Variants in CSMD3 observed in about 807,000 individuals in gnomAD.
The protein encoded by CSMD3 is CUB and Sushi multiple domains 3, also known as CUB and sushi domain-containing protein 3.
CSMD3 carries 177 observed loss-of-function variants against 435.2 expected under a neutral mutation model. The ratio of observed to expected loss-of-function variants is 0.41; its 90% CI spans 0.36 to 0.46. The LOEUF is 0.46. Ranked by LOEUF, CSMD3 falls within the 20% of genes least tolerant of loss-of-function variation. The probability of loss-of-function intolerance (pLI) is 0.34; values close to 1 mark genes in which losing one functional copy is unlikely to be tolerated. For synonymous variants in CSMD3, 1,656 were observed against 1,520.5 expected, an observed-to-expected ratio of 1.09 and a Z score of -2.07; for missense variants, 4,265 against 4,504.6, an observed-to-expected ratio of 0.95 and a Z score of 1.52.
intron 32 of CSMD3, among the ~76,000 whole-genome samples, chr8:112,453,851 G>A (rs1816547943): frequency 2.0e-5 from 3 of 152,158 alleles, no homozygotes; most frequent in South Asian, 2.1e-4. Context: ...CACATTACCC[G>A]ACTTCAAACT....
chr8:113,138,891 C>T (rs2091482166), intron 4 of CSMD3, among the ~76,000 whole-genome samples: 1 of 150,578 alleles, frequency 6.6e-6, no homozygotes, highest in Middle Eastern at 3.4e-3. Flanking sequence ...ATATATGTCA[C>T]ATAATACTAA....
At chr8:112,682,714 G>C in intron 15 of CSMD3, 78 bp from the exon 16 acceptor site, 1 of 892,852 alleles carries the variant, frequency 1.1e-6, no homozygotes, top group Non-Finnish European at 1.8e-6. Context: ...TTTTGGAAAA[G>C]AGAGAGAGAG....
intron 5 of CSMD3, among the ~76,000 whole-genome samples, chr8:113,024,375 A>G (rs1235582280): frequency 1.3e-5 from 2 of 151,554 alleles, no homozygotes; most frequent in Non-Finnish European, 2.9e-5. Flanking sequence ...GGACACTTAG[A>G]GTCGATTACT....
At chr8:113,166,666 C>T (rs2092156341) in intron 4 of CSMD3, among the ~76,000 whole-genome samples, 1 of 151,752 alleles carries the variant, frequency 6.6e-6, no homozygotes, top group Admixed American at 6.6e-5. Context: ...CTTGCTGATC[C>T]ACACCTAATT....
intron 56 of CSMD3, 84 bp downstream of exon 56, chr8:112,291,426 C>A (rs937957443): frequency 3.2e-6 from 3 of 936,276 alleles, no homozygotes; most frequent in African/African-American, 3.3e-5. Flanking sequence ...TGATATATAT[C>A]TTTAGGTCAT....
rs769461974 is a variant in CSMD3 at position 112,301,966 on chromosome 8, A to G, written c.8267T>C (p.Ile2756Thr). 1.1e-5 allele frequency: 17 copies of G among 1,592,670 alleles called. No individual in the cohort carries two copies. Among genetic ancestry groups the G allele is most frequent in the Non-Finnish European group, 1.5e-5 (17 of 1,160,876 alleles). ...SWRNERPYCQ[I>T]ISCGELPTPP... ...TGTAGGTAGTTCTCCACAGGAAATA[A>G]CTTTAAAATGATAAATAAATAAAAA... The change falls in exon 53 of 71, where the codon ATT (isoleucine) becomes ACT (threonine). Residue 2756 changes from isoleucine (I) to threonine (T), a missense_variant and splice_region_variant. This residue lies in a region of CSMD3 where 3,255 missense variants were observed against 3,380.2 expected (regional missense o/e 0.96). Transcript: ENST00000297405.
At chr8:112,238,115 A>G (rs1586489292) in intron 66 of CSMD3, among the ~76,000 whole-genome samples, 1 of 152,180 alleles carries the variant, frequency 6.6e-6, no homozygotes, top group African/African-American at 2.4e-5. Flanking sequence ...GGTTATGTCA[A>G]AGTCTACACA....
At chr8:112,928,723 T>C (rs1395096681) in intron 9 of CSMD3, among the ~76,000 whole-genome samples, 2 of 150,334 alleles carry the variant, frequency 1.3e-5, no homozygotes, top group African/African-American at 4.9e-5. Context: ...GTCTTTGCTA[T>C]TGTGAATAAT....
intron 12 of CSMD3, among the ~76,000 whole-genome samples, chr8:112,825,946 T>C (rs2079666093): frequency 7.3e-6 from 1 of 137,294 alleles, no homozygotes; most frequent in Admixed American, 6.9e-5. Flanking sequence ...GAAAAACTAA[T>C]TCTGCTGGTC....
rs761014904 is a variant in CSMD3 at position 112,472,707 on chromosome 8, G to T, written c.5279C>A (p.Ala1760Glu). The T allele has an allele frequency of 1.9e-6, 3 of 1,579,250 alleles. No individual in the cohort carries two copies. Among genetic ancestry groups the T allele is most frequent in the East Asian group, 2.2e-5 (1 of 44,642 alleles). Residue 1760 changes from alanine (A) to glutamate (E), a missense_variant and splice_region_variant, in exon 32 of 71, where the codon GCG (alanine) becomes GAG (glutamate). Around this residue, in one of 3 missense-constraint regions of CSMD3, gnomAD observed 3,255 missense variants for 3,380.2 expected, o/e 0.96. Transcript: ENST00000297405. Reference protein sequence around the residue: ...GWNRALPSCHAPCGSRSTGSE... With the variant: ...GWNRALPSCHEPCGSRSTGSE... ...ACCTGTTGAACGACTTCCACAGGGCGCTAGGAAAAAATGGCAAAAATATCA... is the reference window on the plus strand; with the variant it reads ...ACCTGTTGAACGACTTCCACAGGGCTCTAGGAAAAAATGGCAAAAATATCA...
chr8:112,418,628 T>C (rs551039447), intron 32 of CSMD3, among the ~76,000 whole-genome samples: 4 of 152,308 alleles, frequency 2.6e-5, no homozygotes, highest in South Asian at 2.1e-4. Context: ...TGTAGTATTA[T>C]GAAAATTTAC....
At chr8:112,985,859 A>T (rs2085236817) in intron 6 of CSMD3, among the ~76,000 whole-genome samples, 1 of 152,170 alleles carries the variant, frequency 6.6e-6, no homozygotes, top group South Asian at 2.1e-4. Context: ...CAGGGATCCC[A>T]CTGCTTCTCC....
At chr8:113,206,677 T>C (rs893866842) in intron 3 of CSMD3, among the ~76,000 whole-genome samples, 23 of 152,162 alleles carry the variant, frequency 1.5e-4, no homozygotes, top group African/African-American at 5.1e-4. Flanking sequence ...GAAGTTCTTA[T>C]CATTTTCTCA....
chr8:112,373,683 G>C (rs772682042), intron 38 of CSMD3, among the ~76,000 whole-genome samples: 1 of 152,034 alleles, frequency 6.6e-6, no homozygotes, highest in African/African-American at 2.4e-5. Flanking sequence ...ACAGATTCTT[G>C]AATTGTCACA....
At chr8:113,330,128 T>C (rs2094016265) in intron 1 of CSMD3, among the ~76,000 whole-genome samples, 1 of 152,038 alleles carries the variant, frequency 6.6e-6, no homozygotes, top group Admixed American at 6.5e-5. Flanking sequence ...TTCTGAATAG[T>C]TTACAACGTA....
intron 2 of CSMD3, among the ~76,000 whole-genome samples, chr8:113,292,177 T>C (rs556546303): frequency 1.3e-5 from 2 of 151,754 alleles, no homozygotes; most frequent in Admixed American, 6.6e-5. Context: ...TTTGATGGAA[T>C]AGAAGAATGA....
At chr8:112,730,890 T>C (rs1347629018) in intron 13 of CSMD3, among the ~76,000 whole-genome samples, 1 of 152,148 alleles carries the variant, frequency 6.6e-6, no homozygotes, top group Non-Finnish European at 1.5e-5. Flanking sequence ...CCCAGGAAAC[T>C]GTTCACAGTG....
At chr8:113,276,395 T>A (rs2093570572) in intron 3 of CSMD3, among the ~76,000 whole-genome samples, 1 of 152,024 alleles carries the variant, frequency 6.6e-6, no homozygotes, top group African/African-American at 2.4e-5. Flanking sequence ...AATCAAAGAT[T>A]CCAAGGTGAG....
intron 10 of CSMD3, among the ~76,000 whole-genome samples, chr8:112,874,620 T>A (rs2081228913): frequency 6.6e-6 from 1 of 152,226 alleles, no homozygotes; most frequent in African/African-American, 2.4e-5. Flanking sequence ...GATAGTCAGC[T>A]CTTCCTGTTA....
Sources: allele counts gnomAD v4.1 joint callset (sites outside exome capture counted in the v4.1 genomes callset), GRCh38; gene constraint gnomAD v4.1.1; regional missense constraint gnomAD v4.1.1; transcripts MANE v1.5; gene names NCBI Gene and HGNC (gene_info 2026-07-23, HGNC 2026-07-21).